PLCB2: variants seen among roughly 807,000 people sequenced by gnomAD.
PLCB2 encodes 1-phosphatidylinositol 4,5-bisphosphate phosphodiesterase beta-2.
A neutral mutation model predicts 141.7 loss-of-function variants in PLCB2; 115 were observed. The ratio of observed to expected loss-of-function variants is 0.81; its 90% confidence interval spans 0.70 to 0.95. The LOEUF is 0.95. Among genes scored for constraint, PLCB2 ranks in the 40% least tolerant of loss-of-function variants. The probability of loss-of-function intolerance (pLI) is 0.00; values close to 1 mark genes in which losing one functional copy is unlikely to be tolerated. For synonymous variants in PLCB2, 603 were observed against 595.6 expected (o/e 1.01, Z -0.18); for missense variants, 1,403 against 1,541.1 (o/e 0.91, Z 1.50).
At chr15:40,289,227 G>T (rs1294586296) in intron 31 of PLCB2, 45 bp downstream of exon 31, 1 of 1,523,090 alleles carries the variant, frequency 6.6e-7, no homozygotes, top group Non-Finnish European at 9.1e-7. Context: ...TTACAACCCG[G>T]AACCCATTCA....
intron 3 of PLCB2, 146 bp from the exon 4 acceptor site, chr15:40,302,755 C>G: frequency 1.2e-6 from 1 of 840,080 alleles, no homozygotes; most frequent in Non-Finnish European, 1.8e-6. Flanking sequence ...GCCTTAGCAT[C>G]TTCCTGTCCC....
chr15:40,300,000 T>C (rs545965532), intron 7 of PLCB2, among the ~76,000 whole-genome samples: 1 of 152,314 alleles, frequency 6.6e-6, no homozygotes, highest in South Asian at 2.1e-4. Flanking sequence ...CCCACTAGGA[T>C]GGCTAAAACA....
chr15:40,290,167 A>G, intron 29 of PLCB2, 85 bp from the exon 30 acceptor site: 1 of 891,308 alleles, frequency 1.1e-6, no homozygotes, highest in South Asian at 1.3e-5. Flanking sequence ...GATGTAGGCA[A>G]ATGAGAAATC....
At position 40,297,168 on chromosome 15, in the gene PLCB2, C is replaced by T. The variant is rs1002380005; in HGVS notation, c.1324-260G>A. ...TGCACCAGGAGGACCTAACAGGCTA[C>T]TCTAGGAGCCCTGTCCATCACTTCC... On this transcript the variant is annotated intron_variant, in intron 13 of 31. Coordinates refer to ENST00000260402, the MANE Select transcript of PLCB2 (RefSeq NM_004573.3). The surrounding 1 kb of genome is among the most constrained non-coding windows in gnomAD (Gnocchi z 4.2). 5.3e-5 allele frequency among the ~76,000 whole-genome samples: 8 copies of T among 152,032 alleles called. No individual in the cohort carries two copies. The highest frequency in any genetic ancestry group is 1.9e-4 in the African/African-American group (8 of 41,392).
At position 40,291,122 on chromosome 15, in the gene PLCB2, C is replaced by A. The variant is rs756996716; in HGVS notation, c.2932G>T (p.Gly978Trp). ...CTGTCTTTCAGCTCCCGCACGCGCC[C>A]GTCCACGCCCTCAGGGCCCTCGCCC... Reference protein sequence around the residue: ...APGEGPEGVDGRVRELKDRLE... With the variant: ...APGEGPEGVDWRVRELKDRLE... The change falls in exon 27 of 32, where the codon GGG (glycine) becomes TGG (tryptophan). Residue 978 changes from glycine to tryptophan, a missense_variant. Coordinates refer to ENST00000260402, the MANE Select transcript of PLCB2 (RefSeq NM_004573.3). The A allele has an allele frequency of 5.7e-5, 90 of 1,577,842 alleles. No homozygotes were observed. Among genetic ancestry groups the A allele is most frequent in the Admixed American group, 8.7e-5 (5 of 57,336 alleles).
chr15:40,289,079 C>T, intron 31 of PLCB2, 161 bp from the exon 32 acceptor site: 1 of 1,178,732 alleles, frequency 8.5e-7, no homozygotes, highest in Non-Finnish European at 1.2e-6. Context: ...CCATCAGGAG[C>T]CTCTCAGGAA....
Position 40,302,592 on chromosome 15 carries a change from G to A in PLCB2, c.249C>T (p.Asp83=), listed in dbSNP as rs751134783. Reference sequence around the variant, plus strand: ...TATCAGGAAAGTCCATGTTGAAGACGTCCCGGAGCTTCTGGCTCTGCAGCA... The same window carrying A: ...TATCAGGAAAGTCCATGTTGAAGACATCCCGGAGCTTCTGGCTCTGCAGCA... ...AKMPKSQKLR[D]VFNMDFPDNS... The change falls in exon 4 of 32, where the codon GAC becomes GAT. Residue 83 remains aspartate, a synonymous_variant. Coordinates refer to ENST00000260402, the MANE Select transcript of PLCB2 (RefSeq NM_004573.3). 25 of 1,614,076 alleles carry A rather than the reference G, an allele frequency of 1.5e-5. No individual in the cohort carries two copies. In the East Asian group the frequency reaches 3.8e-4, roughly 24 times the overall value.
downstream of PLCB2, chr15:40,285,524 T>C (rs2039598679): frequency 1.0e-6 from 1 of 985,018 alleles, no homozygotes; most frequent in Non-Finnish European, 1.2e-6. Context: ...CATAGTTATT[T>C]AGAGTGCAGC....
At chr15:40,284,479 A>G, downstream of PLCB2, 1 of 456,024 alleles carries the variant, frequency 2.2e-6, no homozygotes, top group South Asian at 1.5e-5. Context: ...TGTGGGCAGG[A>G]GAGGGCTCTC....
intron 1 of PLCB2, among the ~76,000 whole-genome samples, chr15:40,306,634 C>G (rs913186815): frequency 1.3e-5 from 2 of 152,144 alleles, no homozygotes; most frequent in African/African-American, 4.8e-5. Context: ...TCATGGGCAG[C>G]GAGATCCCCT....
At position 40,291,259 on chromosome 15, in the gene PLCB2, C is replaced by T; in HGVS notation, c.2870+6G>A. The stretch of plus-strand genomic sequence containing the variant: ...GCAGAGGGCAGGGCACCGCCACGAG[C>T]CTTACCTCTTCTTGCGAGAGCCCTT... On this transcript the variant is annotated splice_donor_region_variant and intron_variant, in intron 26 of 31. Transcript: ENST00000260402. 1 of 1,570,980 alleles carries T rather than the reference C, an allele frequency of 6.4e-7. No individual in the cohort carries two copies. Among genetic ancestry groups the T allele is most frequent in the Admixed American group, 1.8e-5 (1 of 56,630 alleles).
At chr15:40,298,158 A>G in intron 11 of PLCB2, 65 bp downstream of exon 11, 1 of 1,493,610 alleles carries the variant, frequency 6.7e-7, no homozygotes, top group Non-Finnish European at 9.0e-7. Context: ...CCAACCCCTC[A>G]AAGCTTCTGG....
Position 40,289,960 on chromosome 15 carries a change from AGAGAGAGAGTGT to A in PLCB2, c.3267+53_3267+64del, listed in dbSNP as rs1457210680. 6.9e-3 allele frequency: 4,512 copies of A among 656,808 alleles called. 22 individuals are homozygous for A. The highest frequency in any genetic ancestry group is 0.038 in the Middle Eastern group (133 of 3,536). The allele number at this position is 656,808 out of a possible 1,614,324, so 40.7% of individuals were successfully genotyped here. ...GAGAGAGAGAGAGAGAGAGAGAGAG[AGAGAGAGAGTGT>A]GTGTGTGTGTGTGTGTGTGTGTGTG... On this transcript the variant is annotated intron_variant, in intron 30 of 31. Coordinates refer to ENST00000260402, the MANE Select transcript of PLCB2 (RefSeq NM_004573.3).
At position 40,290,805 on chromosome 15, in the gene PLCB2, C is replaced by T; in HGVS notation, c.3069G>A (p.Glu1023=). ...QISKMMELAR[E]KQAAELKALK... ...GGGCCTTCAGCTCTGCCGCCTGTTT[C>T]TCTCTGGCCAGCTCCATCATTTTGG... Residue 1023 remains glutamate, a synonymous_variant, in exon 28 of 32, where the codon GAG becomes GAA. Coordinates refer to ENST00000260402, the MANE Select transcript of PLCB2 (RefSeq NM_004573.3). 6.2e-7 allele frequency: 1 copy of T among 1,613,620 alleles called. No homozygotes were observed. Among genetic ancestry groups the T allele is most frequent in the Non-Finnish European group, 8.5e-7 (1 of 1,179,934 alleles).
chr15:40,296,982 T>C, intron 13 of PLCB2, 74 bp from the exon 14 acceptor site: 2 of 1,500,346 alleles, frequency 1.3e-6, no homozygotes, highest in African/African-American at 1.4e-5. Flanking sequence ...TTACCAGGCA[T>C]GCTCCCTCGG....
chr15:40,289,635 G>A (rs2039743811), intron 30 of PLCB2: 1 of 535,894 alleles, frequency 1.9e-6, no homozygotes, highest in Non-Finnish European at 3.3e-6. Context: ...ATCCCTAGGG[G>A]AGCTTCAGGT....
intron 3 of PLCB2, 49 bp downstream of exon 3, chr15:40,303,239 T>C (rs1471381214): frequency 2.2e-6 from 3 of 1,355,342 alleles, no homozygotes; most frequent in East Asian, 2.3e-5. Context: ...CCTTGCCCCA[T>C]GGAGCTAGTA....
In PLCB2 at chr15:40,288,648, G is replaced by A; in HGVS notation, c.*67C>T. On this transcript the variant is annotated 3_prime_UTR_variant, in exon 32 of 32. Coordinates refer to ENST00000260402, the MANE Select transcript of PLCB2 (RefSeq NM_004573.3). ...AAGGCTGGGGCTCCTTTTTCCTGGGGGAATAGAACCACATCCCAGAGAAGG... is the reference window on the plus strand; with the variant it reads ...AAGGCTGGGGCTCCTTTTTCCTGGGAGAATAGAACCACATCCCAGAGAAGG... The A allele has an allele frequency of 6.9e-7, 1 of 1,455,880 alleles. No individual in the cohort carries two copies. The highest frequency in any genetic ancestry group is 9.1e-7 in the Non-Finnish European group (1 of 1,101,880). The allele number at this position is 1,455,880 out of a possible 1,614,324, so 90.2% of individuals were successfully genotyped here.
rs1392541531 is a variant in PLCB2 at position 40,288,830 on chromosome 15, G to A, written c.3443C>T (p.Thr1148Ile). 6.2e-7 allele frequency: 1 copy of A among 1,614,076 alleles called. No individual in the cohort carries two copies. Among genetic ancestry groups the A allele is most frequent in the Admixed American group, 1.7e-5 (1 of 60,028 alleles). Residue 1148 changes from threonine (T) to isoleucine (I), a missense_variant, in exon 32 of 32, where the codon ACC becomes ATC. Thr to Ile is a moderately conservative substitution (Grantham distance 89). This residue lies in a region of PLCB2 where 132 missense variants were observed against 132.4 expected (regional missense o/e 1.00). Transcript: ENST00000260402. ...GTCCTTGGCCTCGGAGGGAAAGCAGGTCCTGAGGCAGGCCCTCACCGACTC... is the reference window on the plus strand; with the variant it reads ...GTCCTTGGCCTCGGAGGGAAAGCAGATCCTGAGGCAGGCCCTCACCGACTC... The part of the protein sequence containing the change: ...VKESVRACLR[T>I]CFPSEAKDKP...
Sources: allele counts gnomAD v4.1 joint callset (sites outside exome capture counted in the v4.1 genomes callset), GRCh38; gene constraint gnomAD v4.1.1; regional missense constraint gnomAD v4.1.1; non-coding constraint Gnocchi (gnomAD v3.1); transcripts MANE v1.5; gene names NCBI Gene and HGNC (gene_info 2026-07-23, HGNC 2026-07-21).